ELAVL2: variants seen among roughly 807,000 people sequenced by gnomAD.
The protein encoded by ELAVL2 is ELAV-like protein 2.
A neutral mutation model predicts 34.6 loss-of-function variants in ELAVL2; 4 were observed. The ratio of observed to expected loss-of-function variants is 0.12; its 90% CI spans 0.06 to 0.26. ELAVL2 has a LOEUF of 0.26. Ranked by LOEUF, ELAVL2 falls within the 10% of genes least tolerant of loss-of-function variation. The pLI, the probability that ELAVL2 is intolerant of heterozygous loss-of-function variation, is 1.00. For missense variants in ELAVL2, 432 were observed against 442.8 expected (o/e 0.98, Z 0.22); for synonymous variants, 193 against 154.8 (o/e 1.25, Z -1.83).
At chr9:23,832,971 A>G in the ELAVL2 span, among the ~76,000 whole-genome samples, 1 of 152,136 alleles carries the variant, frequency 6.6e-6, no homozygotes, top group South Asian at 2.1e-4. Context: ...TAGTAAGCAA[A>G]TAAATATAGG....
At chr9:23,766,708 C>T (rs1329496885) in intron 1 of ELAVL2, among the ~76,000 whole-genome samples, 1 of 152,046 alleles carries the variant, frequency 6.6e-6, no homozygotes, top group East Asian at 1.9e-4. Context: ...AGACACATAC[C>T]TTTATGGGAA....
chr9:23,771,246 A>G (rs114497927), intron 1 of ELAVL2, among the ~76,000 whole-genome samples: 1 of 152,294 alleles, frequency 6.6e-6, no homozygotes, highest in African/African-American at 2.4e-5. Context: ...CTACATTTTA[A>G]TTACATCAGT....
At chr9:23,810,588 G>A (rs1198397255) in intron 1 of ELAVL2, among the ~76,000 whole-genome samples, 1 of 152,042 alleles carries the variant, frequency 6.6e-6, no homozygotes, top group Non-Finnish European at 1.5e-5. Flanking sequence ...TTGCTTCTTG[G>A]ATCTGATTTC....
chr9:23,836,618 T>C, the ELAVL2 span, among the ~76,000 whole-genome samples: 1 of 152,136 alleles, frequency 6.6e-6, no homozygotes, highest in Non-Finnish European at 1.5e-5. Flanking sequence ...TCCTCGCTTT[T>C]AAAAGATCTT....
At chr9:23,761,385 T>TA (rs1418200666) in intron 2 of ELAVL2, among the ~76,000 whole-genome samples, 1 of 151,996 alleles carries the variant, frequency 6.6e-6, no homozygotes, top group Non-Finnish European at 1.5e-5. Context: ...AGTCAAATCT[T>TA]AAAAAATACT....
chr9:23,792,351 T>C (rs956276975), intron 1 of ELAVL2, among the ~76,000 whole-genome samples: 1 of 152,216 alleles, frequency 6.6e-6, no homozygotes, highest in Non-Finnish European at 1.5e-5. Flanking sequence ...GAGCACCTTC[T>C]TGTAGCCACT....
chr9:23,816,073 A>G (rs181675037), intron 1 of ELAVL2, among the ~76,000 whole-genome samples: 1,808 of 152,250 alleles, frequency 0.012, 16 homozygotes, highest in Non-Finnish European at 0.019. Context: ...GCTTTCTTCC[A>G]AAGTGCAAAA....
At chr9:23,765,970 G>A (rs571755642) in intron 1 of ELAVL2, among the ~76,000 whole-genome samples, 2 of 152,134 alleles carry the variant, frequency 1.3e-5, no homozygotes, top group African/African-American at 2.4e-5. Flanking sequence ...TGGCACAAAA[G>A]CCAAAGTTTA....
At chr9:23,708,405 C>G (rs138283926) in intron 3 of ELAVL2, among the ~76,000 whole-genome samples, 2 of 152,058 alleles carry the variant, frequency 1.3e-5, no homozygotes, top group African/African-American at 4.8e-5. Context: ...AAATAACATG[C>G]CTAAGGTTAT....
At chr9:23,776,888 CTG>C (rs1261869927) in intron 1 of ELAVL2, among the ~76,000 whole-genome samples, 3 of 152,060 alleles carry the variant, frequency 2.0e-5, no homozygotes, top group East Asian at 3.9e-4. Context: ...CAACAGGAGA[CTG>C]TGCACAGCAT....
At chr9:23,705,253 T>G (rs1253330826) in intron 3 of ELAVL2, among the ~76,000 whole-genome samples, 182 bp from the exon 4 acceptor site, 1 of 152,110 alleles carries the variant, frequency 6.6e-6, no homozygotes, top group East Asian at 1.9e-4. Flanking sequence ...GTAGTAGTAT[T>G]CCCATTCCCT....
chr9:23,826,841 T>G (rs1398373126), upstream of ELAVL2, among the ~76,000 whole-genome samples: 1 of 152,216 alleles, frequency 6.6e-6, no homozygotes, highest in Non-Finnish European at 1.5e-5. Flanking sequence ...TTTCGATTTG[T>G]GTTCAGTACT....
chr9:23,803,601 G>A (rs2061836031), intron 1 of ELAVL2, among the ~76,000 whole-genome samples: 1 of 152,058 alleles, frequency 6.6e-6, no homozygotes, highest in African/African-American at 2.4e-5. Context: ...CCCAAGGCTG[G>A]CTCTCTCAAA....
At chr9:23,752,539 C>T (rs1457391987) in intron 2 of ELAVL2, among the ~76,000 whole-genome samples, 1 of 151,810 alleles carries the variant, frequency 6.6e-6, no homozygotes, top group East Asian at 1.9e-4. Flanking sequence ...ACTGCAACCT[C>T]CGCCTCCCGG....
At chr9:23,758,997 A>G (rs1564318319) in intron 2 of ELAVL2, among the ~76,000 whole-genome samples, 1 of 152,070 alleles carries the variant, frequency 6.6e-6, no homozygotes, top group Non-Finnish European at 1.5e-5. Flanking sequence ...ACACTATGAA[A>G]AATGGTATGA....
chr9:23,698,516 T>C (rs746204557), intron 5 of ELAVL2, among the ~76,000 whole-genome samples: 1 of 152,214 alleles, frequency 6.6e-6, no homozygotes, highest in Non-Finnish European at 1.5e-5. Context: ...ATATAACTTA[T>C]ATTGCTCAAT....
intron 3 of ELAVL2, among the ~76,000 whole-genome samples, chr9:23,705,552 A>G (rs1479128391): frequency 6.6e-6 from 1 of 152,180 alleles, no homozygotes; most frequent in African/African-American, 2.4e-5. Flanking sequence ...TGTGGGGCCA[A>G]TCCCCTAGAG....
chr9:23,703,744 C>T (rs908597609), intron 4 of ELAVL2, among the ~76,000 whole-genome samples: 37 of 151,892 alleles, frequency 2.4e-4, no homozygotes, highest in African/African-American at 5.3e-4. Flanking sequence ...TATTATTATA[C>T]GGGTGGCGGG....
chr9:23,820,874 C>A (rs996695822), intron 1 of ELAVL2, among the ~76,000 whole-genome samples: 2 of 152,240 alleles, frequency 1.3e-5, no homozygotes, highest in Non-Finnish European at 2.9e-5. Context: ...GCGCACGCCT[C>A]GCGCGCAAAC....
Sources: allele counts gnomAD v4.1 joint callset (sites outside exome capture counted in the v4.1 genomes callset), GRCh38; gene constraint gnomAD v4.1.1; transcripts MANE v1.5; gene names NCBI Gene and HGNC (gene_info 2026-07-23, HGNC 2026-07-21).